The following GRM7 variants were observed in gnomAD, a reference collection of about 807,000 sequenced individuals.
GRM7 encodes the protein glutamate metabotropic receptor 7, also known as metabotropic glutamate receptor 7.
A neutral mutation model predicts 84.5 loss-of-function variants in GRM7; 35 were observed. The observed-to-expected ratio is 0.41, with a 90% CI of 0.32 to 0.55. The LOEUF is 0.55. Among genes scored for constraint, GRM7 ranks in the 20% least tolerant of loss-of-function variants. The pLI is 0.19. For synonymous variants in GRM7, 487 were observed against 455.1 expected (o/e 1.07, Z -0.89); for missense variants, 1,003 against 1,194.6 (o/e 0.84, Z 2.36).
intron 1 of GRM7, among the ~76,000 whole-genome samples, chr3:6,992,021 C>T (rs566760381): frequency 7.1e-4 from 107 of 149,872 alleles, no homozygotes; most frequent in Non-Finnish European, 1.2e-3. Context: ...AGAGAAGTCA[C>T]GTAAGGACAG....
At chr3:7,053,085 T>C (rs1296173344) in intron 1 of GRM7, among the ~76,000 whole-genome samples, 1 of 150,246 alleles carries the variant, frequency 6.7e-6, no homozygotes, top group East Asian at 1.9e-4. Context: ...GGTTTTTTTT[T>C]TTTAAAATAA....
intron 7 of GRM7, among the ~76,000 whole-genome samples, chr3:7,532,390 T>A (rs139185915): frequency 6.6e-6 from 1 of 152,282 alleles, no homozygotes; most frequent in East Asian, 1.9e-4. Flanking sequence ...TCTTCTAGAT[T>A]TCCTAGTTTA....
At chr3:7,587,944 C>G (rs1695595323) in intron 8 of GRM7, among the ~76,000 whole-genome samples, 1 of 152,092 alleles carries the variant, frequency 6.6e-6, no homozygotes, top group South Asian at 2.1e-4. Context: ...GATGGGAACT[C>G]AGCATATGAT....
intron 7 of GRM7, among the ~76,000 whole-genome samples, chr3:7,498,907 A>G (rs1291216146): frequency 1.3e-5 from 2 of 152,214 alleles, no homozygotes; most frequent in African/African-American, 4.8e-5. Context: ...ATGCAGAGTC[A>G]TCTGTGCAGA....
intron 1 of GRM7, among the ~76,000 whole-genome samples, chr3:7,031,406 TTTTA>T (rs200421808): frequency 5.9e-4 from 88 of 150,188 alleles, no homozygotes; most frequent in Admixed American, 2.4e-3. Context: ...ATTTTTTAAA[TTTTA>T]TTTATTTATT....
intron 4 of GRM7, among the ~76,000 whole-genome samples, chr3:7,382,131 A>T (rs990331113): frequency 3.3e-5 from 5 of 152,172 alleles, no homozygotes; most frequent in Admixed American, 6.5e-5. Context: ...TCTCTAAAAA[A>T]AATTCTGCTT....
chr3:6,917,766 A>G (rs1438700229), intron 1 of GRM7, among the ~76,000 whole-genome samples: 2 of 152,178 alleles, frequency 1.3e-5, no homozygotes, highest in African/African-American at 4.8e-5. Flanking sequence ...CAAGACTGGC[A>G]GATGAAGTTC....
intron 8 of GRM7, among the ~76,000 whole-genome samples, chr3:7,650,696 C>G (rs1339002012): frequency 6.6e-6 from 1 of 152,104 alleles, no homozygotes; most frequent in African/African-American, 2.4e-5. Context: ...TGAGAAAATT[C>G]AAAGTCCATA....
chr3:7,653,299 A>AT (rs910898515), intron 8 of GRM7, among the ~76,000 whole-genome samples: 1 of 145,858 alleles, frequency 6.9e-6, no homozygotes, highest in Admixed American at 7.1e-5. Flanking sequence ...AGTATTATTA[A>AT]TTTTTTAAAA....
At chr3:7,200,484 G>A (rs1001236283) in intron 2 of GRM7, among the ~76,000 whole-genome samples, 7 of 152,162 alleles carry the variant, frequency 4.6e-5, no homozygotes, top group African/African-American at 1.7e-4. Flanking sequence ...ACTTAGATTG[G>A]GGTGAAGCCC....
intron 8 of GRM7, among the ~76,000 whole-genome samples, chr3:7,617,863 A>G (rs1697174597): frequency 6.6e-6 from 1 of 152,152 alleles, no homozygotes; most frequent in African/African-American, 2.4e-5. Flanking sequence ...AAACAATTTC[A>G]ACCCATCAAT....
At chr3:7,571,182 C>G (rs139797323) in intron 7 of GRM7, among the ~76,000 whole-genome samples, 130 of 152,284 alleles carry the variant, frequency 8.5e-4, no homozygotes, top group African/African-American at 2.8e-3. Context: ...GACATTTTCC[C>G]CATTGTCTCA....
At chr3:7,533,940 A>G (rs1252584777) in intron 7 of GRM7, among the ~76,000 whole-genome samples, 1 of 151,852 alleles carries the variant, frequency 6.6e-6, no homozygotes, top group African/African-American at 2.4e-5. Context: ...CATTTTTACC[A>G]TGCTCATACA....
intron 7 of GRM7, chr3:7,519,952 T>C (rs1429115600): frequency 6.6e-6 from 1 of 152,224 alleles, no homozygotes; most frequent in African/African-American, 2.4e-5. Context: ...TTGTATGCCA[T>C]CTATCAGTCT....
chr3:6,905,929 T>G, intron 1 of GRM7, among the ~76,000 whole-genome samples: 1 of 152,216 alleles, frequency 6.6e-6, no homozygotes, highest in East Asian at 1.9e-4. Flanking sequence ...GATATTGAAC[T>G]GAACTTGCAT....
At chr3:7,374,764 T>G (rs886632241) in intron 4 of GRM7, among the ~76,000 whole-genome samples, 4 of 151,990 alleles carry the variant, frequency 2.6e-5, no homozygotes, top group African/African-American at 9.7e-5. Flanking sequence ...GTGCTGGGAT[T>G]ACAGGCTTGA....
intron 4 of GRM7, among the ~76,000 whole-genome samples, chr3:7,408,130 C>T (rs1233248890): frequency 6.6e-6 from 1 of 152,154 alleles, no homozygotes; most frequent in Non-Finnish European, 1.5e-5. Flanking sequence ...GAATTGAACC[C>T]TACAATTCTA....
At chr3:6,917,142 T>C (rs1165764502) in intron 1 of GRM7, among the ~76,000 whole-genome samples, 1 of 152,312 alleles carries the variant, frequency 6.6e-6, no homozygotes, top group Middle Eastern at 3.4e-3. Context: ...ATAATGTTGA[T>C]AATACCTTCA....
chr3:7,382,629 A>G (rs928924373), intron 4 of GRM7, among the ~76,000 whole-genome samples: 4 of 152,254 alleles, frequency 2.6e-5, no homozygotes, highest in African/African-American at 4.8e-5. Flanking sequence ...AGCTTGTTGA[A>G]TAAAAAGGGA....
Sources: allele counts gnomAD v4.1 joint callset (sites outside exome capture counted in the v4.1 genomes callset), GRCh38; gene constraint gnomAD v4.1.1; transcripts MANE v1.5; gene names NCBI Gene and HGNC (gene_info 2026-07-23, HGNC 2026-07-21).